DSCAM: variants seen among roughly 807,000 people sequenced by gnomAD.
DSCAM encodes cell adhesion molecule DSCAM.
A neutral mutation model predicts 217.7 loss-of-function variants in DSCAM; 47 were observed. That is an observed-to-expected ratio of 0.22 (90% CI 0.17 to 0.28). DSCAM has a LOEUF of 0.28. Ranked by LOEUF, DSCAM falls within the 10% of genes least tolerant of loss-of-function variation. The pLI is 1.00. For synonymous variants in DSCAM, 1,056 were observed against 1,015.3 expected (o/e 1.04, Z -0.76); for missense variants, 2,080 against 2,618.3 (o/e 0.79, Z 4.49).
At chr21:40,432,858 G>A (rs548667370) in intron 3 of DSCAM, among the ~76,000 whole-genome samples, 146 of 152,204 alleles carry the variant, frequency 9.6e-4, no homozygotes, top group Non-Finnish European at 1.5e-3. Flanking sequence ...CAGGTTCCAC[G>A]GTAGCTGAGC....
chr21:40,687,671 C>A (rs2090495393), intron 3 of DSCAM, among the ~76,000 whole-genome samples: 3 of 152,194 alleles, frequency 2.0e-5, no homozygotes. Flanking sequence ...CTCTTTTCCC[C>A]TCTCTAAAAT....
At chr21:40,519,258 C>G (rs1601710995) in intron 3 of DSCAM, among the ~76,000 whole-genome samples, 1 of 152,190 alleles carries the variant, frequency 6.6e-6, no homozygotes, top group Non-Finnish European at 1.5e-5. Context: ...TTTCATCAAA[C>G]ACGAATCTGG....
rs1211687673 is a variant in DSCAM at position 40,258,930 on chromosome 21, T to C, written c.2356+17167A>G. Among the ~76,000 whole-genome samples, 4 of 152,236 alleles carry C rather than the reference T, an allele frequency of 2.6e-5. No individual in the cohort carries two copies. The East Asian group carries it at 7.7e-4, about 29-fold the overall frequency. ...TTATAAACGACCCTGTCTCCTTTGT[T>C]TGGTGTACTCTTGGGGCAAAACTGC... On this transcript the variant is annotated intron_variant, in intron 11 of 32. Coordinates refer to ENST00000400454, the MANE Select transcript of DSCAM (RefSeq NM_001389.5).
At chr21:40,076,064 A>G (rs1409246169) in intron 26 of DSCAM, among the ~76,000 whole-genome samples, 1 of 152,142 alleles carries the variant, frequency 6.6e-6, no homozygotes, top group Non-Finnish European at 1.5e-5. Context: ...GAAAGTCAGC[A>G]CTTCAGGAAA....
chr21:40,307,462 G>T (rs150069137), intron 9 of DSCAM, among the ~76,000 whole-genome samples: 3,470 of 152,276 alleles, frequency 0.023, 139 homozygotes, highest in African/African-American at 0.078. Context: ...TGGAGAAATA[G>T]GAACACTTTT....
rs2090329895 is a variant in DSCAM at position 40,144,402 on chromosome 21, G to C, written c.3259+89C>G. 3.8e-6 allele frequency: 6 copies of C among 1,565,230 alleles called. No homozygotes were observed. Among genetic ancestry groups the C allele is most frequent in the Non-Finnish European group, 5.2e-6 (6 of 1,152,126 alleles). ...CAGGTCACTGCAAAGTCGTGGGGCG[G>C]GGGAGTGCGAGGTTGGGGGAGCCCC... On this transcript the variant is annotated intron_variant, in intron 17 of 32. Coordinates refer to ENST00000400454, the MANE Select transcript of DSCAM (RefSeq NM_001389.5). This position sits in a 1 kb window ranked among gnomAD's most constrained non-coding sequence, Gnocchi z 4.8.
At chr21:40,090,025 CCTCTT>C (rs1224793927) in intron 21 of DSCAM, among the ~76,000 whole-genome samples, 1 of 152,130 alleles carries the variant, frequency 6.6e-6, no homozygotes, top group Non-Finnish European at 1.5e-5. Flanking sequence ...TGCTGTCCCT[CCTCTT>C]CTCACACTTC....
chr21:40,163,594 T>C (rs741803), intron 16 of DSCAM, among the ~76,000 whole-genome samples: 40,431 of 151,812 alleles, frequency 0.27, 5,456 homozygotes, highest in South Asian at 0.29. Flanking sequence ...TAATATAGCC[T>C]ATAGAAAGAT....
chr21:40,627,487 T>C (rs2089617466), intron 3 of DSCAM, among the ~76,000 whole-genome samples: 2 of 152,340 alleles, frequency 1.3e-5, no homozygotes, highest in South Asian at 2.1e-4. Flanking sequence ...AGTAATTTTC[T>C]TTAAATATGC....
intron 27 of DSCAM, among the ~76,000 whole-genome samples, chr21:40,064,977 T>A (rs756230895): frequency 6.6e-6 from 1 of 152,128 alleles, no homozygotes; most frequent in Non-Finnish European, 1.5e-5. Flanking sequence ...GGCCTGGGAC[T>A]TGTTGAAAGC....
At chr21:40,481,506 A>C (rs2075982234) in intron 3 of DSCAM, among the ~76,000 whole-genome samples, 1 of 136,592 alleles carries the variant, frequency 7.3e-6, no homozygotes, top group African/African-American at 2.8e-5. Context: ...CCTGGGCAAC[A>C]GAGACAGAGC....
At chr21:40,461,954 C>T (rs1051654831) in intron 3 of DSCAM, among the ~76,000 whole-genome samples, 9 of 152,154 alleles carry the variant, frequency 5.9e-5, no homozygotes, top group Non-Finnish European at 8.8e-5. Context: ...GAGCATTTAA[C>T]GCTCTGGACT....
intron 3 of DSCAM, chr21:40,383,368 T>C (rs532885945): frequency 1.3e-5 from 2 of 152,374 alleles, no homozygotes; most frequent in African/African-American, 4.8e-5. Context: ...AAGAAAATGA[T>C]ATATCCATGA....
intron 3 of DSCAM, among the ~76,000 whole-genome samples, chr21:40,402,676 GTT>G (rs112357046): frequency 1.2e-3 from 162 of 138,278 alleles, no homozygotes; most frequent in African/African-American, 4.0e-3. Flanking sequence ...TTTTTTATTT[GTT>G]TTTTTTTTTT....
chr21:40,712,403 C>T (rs1484257866), intron 1 of DSCAM, among the ~76,000 whole-genome samples: 1 of 132,940 alleles, frequency 7.5e-6, no homozygotes, highest in Non-Finnish European at 1.5e-5. Context: ...GCGGAGCTTG[C>T]AGTGAGCCGA....
Position 40,189,186 on chromosome 21 carries a change from C to T in DSCAM, c.2409G>A (p.Gln803=). The T allele has an allele frequency of 1.2e-6, 2 of 1,613,118 alleles. No homozygotes were observed. The highest frequency in any genetic ancestry group is 2.2e-5 in the South Asian group (2 of 90,762). The change falls in exon 12 of 33, where the codon CAG becomes CAA. Residue 803 remains glutamine, a synonymous_variant. Coordinates refer to ENST00000400454, the MANE Select transcript of DSCAM (RefSeq NM_001389.5). The part of the protein sequence containing the change: ...YPNTTLATQG[Q]KKEMSCTAHG... Reference sequence around the variant, plus strand: ...GCGCCGTGCAGCTCATCTCCTTTTTCTGCCCCTGCGTGGCCAGGGTAGTAT... The same window carrying T: ...GCGCCGTGCAGCTCATCTCCTTTTTTTGCCCCTGCGTGGCCAGGGTAGTAT...
intron 20 of DSCAM, among the ~76,000 whole-genome samples, chr21:40,095,162 AAG>A (rs2146595673): frequency 6.6e-6 from 1 of 152,354 alleles, no homozygotes; most frequent in East Asian, 1.9e-4. Flanking sequence ...GGCCAAGCAA[AAG>A]GGGTTCCCCC....
intron 3 of DSCAM, among the ~76,000 whole-genome samples, chr21:40,654,562 G>A (rs2090052354): frequency 6.6e-6 from 1 of 152,182 alleles, no homozygotes; most frequent in Non-Finnish European, 1.5e-5. Context: ...CTAAAATCAA[G>A]GTGTTGGCAG....
intron 1 of DSCAM, among the ~76,000 whole-genome samples, chr21:40,789,918 G>T (rs2837821): frequency 2.0e-5 from 3 of 152,008 alleles, no homozygotes; most frequent in African/African-American, 7.2e-5. Context: ...TCTACCGTTA[G>T]GAGTCATGAA....
Sources: allele counts gnomAD v4.1 joint callset (sites outside exome capture counted in the v4.1 genomes callset), GRCh38; gene constraint gnomAD v4.1.1; non-coding constraint Gnocchi (gnomAD v3.1); transcripts MANE v1.5; gene names NCBI Gene and HGNC (gene_info 2026-07-23, HGNC 2026-07-21).